DCDC2C: variants seen among roughly 807,000 people sequenced by gnomAD.
DCDC2C encodes the protein doublecortin domain containing 2C.
A neutral mutation model predicts 45.0 loss-of-function variants in DCDC2C; 44 were observed. That is an observed-to-expected ratio of 0.98 (90% CI 0.77 to 1.26). The LOEUF (loss-of-function observed/expected upper bound fraction) is 1.26, where lower values mean the gene tolerates loss of function less well. Ranked by LOEUF, DCDC2C falls within the 50% of genes most tolerant of loss-of-function variation. The pLI, the probability that DCDC2C is intolerant of heterozygous loss-of-function variation, is 0.00. For missense variants in DCDC2C, 447 were observed against 468.9 expected (o/e 0.95, Z 0.43); for synonymous variants, 187 against 178.8 (o/e 1.05, Z -0.37).
intron 10 of DCDC2C, among the ~76,000 whole-genome samples, chr2:3,812,333 T>A (rs2093640368): frequency 6.6e-6 from 1 of 152,100 alleles, no homozygotes; most frequent in Admixed American, 6.6e-5. Flanking sequence ...GTCTAGGAAT[T>A]TATCAATTTC....
At chr2:3,755,099 T>G (rs1474027616) in intron 6 of DCDC2C, among the ~76,000 whole-genome samples, 1 of 152,102 alleles carries the variant, frequency 6.6e-6, no homozygotes, top group Non-Finnish European at 1.5e-5. Flanking sequence ...GTGTATGTAC[T>G]GGTGCATGTG....
chr2:3,828,476 C>T (rs1440257906), intron 10 of DCDC2C, among the ~76,000 whole-genome samples: 1 of 151,998 alleles, frequency 6.6e-6, no homozygotes, highest in Admixed American at 6.5e-5. Context: ...AAGTGCCCAG[C>T]AACCCTTTGG....
chr2:3,722,638 G>T (rs1234591449), intron 2 of DCDC2C, among the ~76,000 whole-genome samples: 2 of 152,208 alleles, frequency 1.3e-5, no homozygotes, highest in Non-Finnish European at 2.9e-5. Flanking sequence ...GCTCTGACAA[G>T]TGTGAATGAG....
At chr2:3,726,191 G>A (rs966457578) in intron 2 of DCDC2C, among the ~76,000 whole-genome samples, 13 of 152,036 alleles carry the variant, frequency 8.6e-5, no homozygotes, top group African/African-American at 2.2e-4. Context: ...GAGATGGAAC[G>A]TGGACAGGGG....
intron 6 of DCDC2C, among the ~76,000 whole-genome samples, chr2:3,760,138 AT>A: frequency 6.6e-6 from 1 of 152,214 alleles, no homozygotes; most frequent in South Asian, 2.1e-4. Flanking sequence ...TGAAGTTCTA[AT>A]TTAAGCTGTT....
At chr2:3,780,003 C>T (rs564368811) in intron 9 of DCDC2C, among the ~76,000 whole-genome samples, 28 of 152,188 alleles carry the variant, frequency 1.8e-4, no homozygotes, top group Non-Finnish European at 3.5e-4. Context: ...AACAGAGAGT[C>T]AAACAGAATA....
chr2:3,769,216 C>A, intron 7 of DCDC2C, 95 bp from the exon 8 acceptor site: 1 of 1,218,698 alleles, frequency 8.2e-7, no homozygotes. Context: ...CTCCAGGATG[C>A]CCGGCTTCGT....
At chr2:3,785,499 C>T (rs923168859) in intron 10 of DCDC2C, among the ~76,000 whole-genome samples, 3 of 152,194 alleles carry the variant, frequency 2.0e-5, no homozygotes, top group African/African-American at 4.8e-5. Context: ...CACCTTCAGA[C>T]GCCAGCCATG....
At chr2:3,710,033 A>T (rs1321493778) in intron 2 of DCDC2C, among the ~76,000 whole-genome samples, 4 of 152,276 alleles carry the variant, frequency 2.6e-5, no homozygotes, top group East Asian at 1.9e-4. Flanking sequence ...AAAAGAGTTT[A>T]AAAAATTTTT....
chr2:3,845,946 T>G (rs1457763654), intron 10 of DCDC2C, among the ~76,000 whole-genome samples: 1 of 152,192 alleles, frequency 6.6e-6, no homozygotes, highest in Non-Finnish European at 1.5e-5. Context: ...GATCATAGTT[T>G]GTTAGAGCTG....
At chr2:3,800,622 G>C (rs1358567251) in intron 10 of DCDC2C, among the ~76,000 whole-genome samples, 5 of 123,982 alleles carry the variant, frequency 4.0e-5, no homozygotes, top group East Asian at 3.9e-4. Context: ...TTTTTCTTGA[G>C]ATAATCGTGT....
intron 3 of DCDC2C, among the ~76,000 whole-genome samples, chr2:3,730,898 G>A (rs935955344): frequency 6.6e-6 from 1 of 152,212 alleles, no homozygotes; most frequent in African/African-American, 2.4e-5. Context: ...TATGTCTTGG[G>A]TGTGAGCCTT....
At chr2:3,724,626 T>A (rs1668587106) in intron 2 of DCDC2C, among the ~76,000 whole-genome samples, 1 of 152,214 alleles carries the variant, frequency 6.6e-6, no homozygotes, top group Admixed American at 6.5e-5. Context: ...GTCGAGCTCC[T>A]GTAACATTAA....
At chr2:3,718,334 C>G (rs1442454117) in intron 2 of DCDC2C, among the ~76,000 whole-genome samples, 1 of 152,188 alleles carries the variant, frequency 6.6e-6, no homozygotes, top group Admixed American at 6.5e-5. Flanking sequence ...GCTCCACAAA[C>G]CGTCTGGCTG....
intron 4 of DCDC2C, among the ~76,000 whole-genome samples, chr2:3,751,450 C>T (rs547745244): frequency 6.6e-6 from 1 of 152,240 alleles, no homozygotes; most frequent in South Asian, 2.1e-4. Flanking sequence ...CTCCCAGGTT[C>T]CTGTCTTGAC....
intron 10 of DCDC2C, among the ~76,000 whole-genome samples, chr2:3,797,011 G>T (rs1558232084): frequency 6.6e-6 from 1 of 152,098 alleles, no homozygotes; most frequent in Non-Finnish European, 1.5e-5. Context: ...GACTCTTTTT[G>T]GTTGGTAAGC....
chr2:3,843,956 C>T (rs758015601), intron 10 of DCDC2C, among the ~76,000 whole-genome samples: 3 of 152,152 alleles, frequency 2.0e-5, no homozygotes, highest in Non-Finnish European at 4.4e-5. Flanking sequence ...ATCACTGTCA[C>T]TACTAAGTCA....
intron 10 of DCDC2C, among the ~76,000 whole-genome samples, chr2:3,846,516 C>T (rs1672333992): frequency 6.6e-6 from 1 of 152,048 alleles, no homozygotes; most frequent in Non-Finnish European, 1.5e-5. Flanking sequence ...ACTCTATCTT[C>T]CTTAGTATAG....
chr2:3,727,778 G>A (rs1458281236), intron 3 of DCDC2C, among the ~76,000 whole-genome samples: 3 of 152,186 alleles, frequency 2.0e-5, no homozygotes. Context: ...CTTGGGACCT[G>A]TGCCTGCTGC....
Sources: gnomAD v4.1 joint callset for allele counts (sites outside exome capture counted in the v4.1 genomes callset) on GRCh38, gnomAD v4.1.1 for gene constraint, MANE v1.5 for transcripts, NCBI Gene and HGNC (gene_info 2026-07-23, HGNC 2026-07-21) for gene names.